Variants in MYT1L observed in about 807,000 individuals in gnomAD.
The protein encoded by MYT1L is myelin transcription factor 1 like.
A neutral mutation model predicts 126.7 loss-of-function variants in MYT1L; 12 were observed. The ratio of observed to expected loss-of-function variants is 0.09; its 90% confidence interval spans 0.06 to 0.15. The LOEUF (loss-of-function observed/expected upper bound fraction) is 0.15, where lower values mean the gene tolerates loss of function less well. Ranked by LOEUF, MYT1L falls within the 10% of genes least tolerant of loss-of-function variation. The probability of loss-of-function intolerance (pLI) is 1.00; values close to 1 mark genes in which losing one functional copy is unlikely to be tolerated. For synonymous variants in MYT1L, 541 were observed against 604.2 expected, an observed-to-expected ratio of 0.90 and a Z score of 1.53; for missense variants, 979 against 1,585.2, an observed-to-expected ratio of 0.62 and a Z score of 6.49.
chr2:2,102,218 C>G (rs2078183829), intron 3 of MYT1L, among the ~76,000 whole-genome samples: 1 of 152,140 alleles, frequency 6.6e-6, no homozygotes, highest in South Asian at 2.1e-4. Flanking sequence ...AAGATACTGG[C>G]AAACTGCCAT....
chr2:2,193,571 C>T (rs2148761799), intron 2 of MYT1L, among the ~76,000 whole-genome samples: 1 of 152,270 alleles, frequency 6.6e-6, no homozygotes, highest in Admixed American at 6.5e-5. Context: ...GTTATTGATC[C>T]ATTTTGGGTC....
intron 2 of MYT1L, among the ~76,000 whole-genome samples, chr2:2,186,161 C>T (rs1267672874): frequency 8.3e-6 from 1 of 119,992 alleles, no homozygotes; most frequent in Admixed American, 8.0e-5. Flanking sequence ...GCCTCCCAGA[C>T]GCCCGCGTTC....
At chr2:1,998,287 C>T (rs1372206684) in intron 4 of MYT1L, among the ~76,000 whole-genome samples, 1 of 152,196 alleles carries the variant, frequency 6.6e-6, no homozygotes, top group Non-Finnish European at 1.5e-5. Context: ...GAGCCCGGAG[C>T]CCTGCGATGA....
intron 21 of MYT1L, chr2:1,816,510 C>T (rs118159153): frequency 0.04 from 6,121 of 152,910 alleles, 138 homozygotes; most frequent in East Asian, 0.066. Flanking sequence ...TTAGATCCAG[C>T]AGAGAAACCA....
intron 2 of MYT1L, among the ~76,000 whole-genome samples, chr2:2,207,409 C>T (rs78507521): frequency 0.017 from 2,626 of 152,258 alleles, 69 homozygotes; most frequent in African/African-American, 0.059. Flanking sequence ...CGTCCAGAAA[C>T]GCCCTGAGGA....
At chr2:2,088,444 A>C (rs1356967395) in intron 3 of MYT1L, among the ~76,000 whole-genome samples, 1 of 151,998 alleles carries the variant, frequency 6.6e-6, no homozygotes, top group Admixed American at 6.6e-5. Flanking sequence ...CATGACCCTA[A>C]ACTCACAGTA....
chr2:2,054,568 AACACACGGAGATGAG>A (rs1211505532), intron 3 of MYT1L, among the ~76,000 whole-genome samples: 1 of 152,004 alleles, frequency 6.6e-6, no homozygotes, highest in East Asian at 1.9e-4. Flanking sequence ...ATGCAGATGA[AACACACGGAGATGAG>A]ACACATGGAG....
At chr2:2,297,321 A>G (rs1256884798) in intron 1 of MYT1L, among the ~76,000 whole-genome samples, 3 of 152,190 alleles carry the variant, frequency 2.0e-5, no homozygotes, top group Non-Finnish European at 4.4e-5. Context: ...GCATTTGAAC[A>G]TTCCTAACCA....
At chr2:2,163,330 T>G (rs2088360750) in intron 3 of MYT1L, among the ~76,000 whole-genome samples, 1 of 152,190 alleles carries the variant, frequency 6.6e-6, no homozygotes, top group Admixed American at 6.6e-5. Flanking sequence ...ATTCATATTT[T>G]CTGTAAGAGC....
chr2:2,326,734 T>G (rs2096249994), intron 1 of MYT1L: 1 of 152,244 alleles, frequency 6.6e-6, no homozygotes, highest in Non-Finnish European at 1.5e-5. Flanking sequence ...ACACCTGGCT[T>G]ACATTTTCTC....
At chr2:2,211,372 T>G (rs1046188047) in intron 2 of MYT1L, among the ~76,000 whole-genome samples, 1 of 152,220 alleles carries the variant, frequency 6.6e-6, no homozygotes, top group African/African-American at 2.4e-5. Context: ...TGTTTTAACA[T>G]TAATTTTGCT....
At chr2:1,919,703 A>G (rs1225942158) in intron 10 of MYT1L, among the ~76,000 whole-genome samples, 1 of 152,102 alleles carries the variant, frequency 6.6e-6, no homozygotes, top group African/African-American at 2.4e-5. Context: ...TAGTACCACA[A>G]TTTTAGTTTT....
At chr2:2,298,359 T>C (rs1349764861) in intron 1 of MYT1L, among the ~76,000 whole-genome samples, 4 of 152,162 alleles carry the variant, frequency 2.6e-5, no homozygotes, top group Non-Finnish European at 5.9e-5. Flanking sequence ...TGAGAGACCA[T>C]TCGATGAAGC....
intron 1 of MYT1L, among the ~76,000 whole-genome samples, chr2:2,322,446 A>T (rs2096184072): frequency 6.6e-6 from 1 of 152,220 alleles, no homozygotes; most frequent in African/African-American, 2.4e-5. Context: ...TCACCTTTTC[A>T]GACAGGTGCA....
At chr2:1,835,822 C>T (rs1572693775) in intron 21 of MYT1L, among the ~76,000 whole-genome samples, 2 of 152,168 alleles carry the variant, frequency 1.3e-5, no homozygotes, top group African/African-American at 2.4e-5. Flanking sequence ...TCAACATTTC[C>T]GTGTAGCTCA....
chr2:1,945,436 G>A (rs116426780), intron 8 of MYT1L, among the ~76,000 whole-genome samples: 22 of 152,206 alleles, frequency 1.4e-4, no homozygotes, highest in African/African-American at 5.1e-4. Context: ...AGGACCAAGG[G>A]CCGTGAGGGA....
rs142191059 is a variant in MYT1L at position 1,846,600 on chromosome 2, G to C, written c.2774+5041C>G. On this transcript the variant is annotated intron_variant, in intron 19 of 24. Coordinates refer to ENST00000647738, the MANE Select transcript of MYT1L (RefSeq NM_001303052.2). ...GGATTATGAGAAACTGGAGGATTTG[G>C]GATCCCGGGAGACATGTGGTCAAGG... 9.5e-4 allele frequency among the ~76,000 whole-genome samples: 145 copies of C among 152,250 alleles called. 1 individual carries two copies. Among genetic ancestry groups the C allele is most frequent in the African/African-American group, 3.3e-3 (139 of 41,548 alleles).
chr2:1,911,776 T>G (rs2052024535), intron 12 of MYT1L, among the ~76,000 whole-genome samples: 1 of 152,136 alleles, frequency 6.6e-6, no homozygotes, highest in African/African-American at 2.4e-5. Context: ...CCATTGTAAA[T>G]GGTCATGGTT....
chr2:2,044,968 T>C (rs943953225), intron 4 of MYT1L, among the ~76,000 whole-genome samples: 15 of 152,308 alleles, frequency 9.8e-5, no homozygotes, highest in African/African-American at 3.6e-4. Flanking sequence ...GCAAGGATGA[T>C]GGCACAAGTA....
Sources: allele counts gnomAD v4.1 joint callset (sites outside exome capture counted in the v4.1 genomes callset), GRCh38; gene constraint gnomAD v4.1.1; transcripts MANE v1.5; gene names NCBI Gene and HGNC (gene_info 2026-07-23, HGNC 2026-07-21).